The following SLC5A8 variants were observed in gnomAD, a reference collection of about 807,000 sequenced individuals.
SLC5A8 encodes the protein solute carrier family 5 member 8.
SLC5A8 carries 55 observed loss-of-function variants against 71.9 expected under a neutral mutation model. The ratio of observed to expected loss-of-function variants is 0.77; its 90% CI spans 0.62 to 0.96. The LOEUF (loss-of-function observed/expected upper bound fraction) is 0.96, where lower values mean the gene tolerates loss of function less well. Ranked by LOEUF, SLC5A8 falls within the 40% of genes least tolerant of loss-of-function variation. The pLI, the probability that SLC5A8 is intolerant of heterozygous loss-of-function variation, is 0.00. For synonymous variants in SLC5A8, 307 were observed against 276.1 expected (o/e 1.11, Z -1.11); for missense variants, 701 against 745.3 (o/e 0.94, Z 0.69).
At position 101,156,611 on chromosome 12, in the gene SLC5A8, C is replaced by A. The variant is rs1026612999; in HGVS notation, c.*668G>T. ...AGAAAGGCAGTATCAGCAGCCAAAG[C>A]CCAGAAACTCTAGAAAACAAGCCAA... is the stretch of plus-strand genomic sequence containing the variant. On this transcript the variant is annotated 3_prime_UTR_variant, in exon 15 of 15. Coordinates refer to ENST00000536262, the MANE Select transcript of SLC5A8 (RefSeq NM_145913.5). 1 of 152,160 alleles carries A rather than the reference C, an allele frequency of 6.6e-6. No individual in the cohort carries two copies. Among genetic ancestry groups the A allele is most frequent in the African/African-American group, 2.4e-5 (1 of 41,400 alleles). 9.4% of individuals were successfully genotyped at this position (152,160 alleles called of 1,614,324 possible).
At chr12:101,186,883 G>A (rs1052779413) in intron 7 of SLC5A8, among the ~76,000 whole-genome samples, 7 of 152,104 alleles carry the variant, frequency 4.6e-5, no homozygotes, top group African/African-American at 1.7e-4. Flanking sequence ...GGATTGCAGG[G>A]TTGTGAGAAT....
chr12:101,160,235 CA>C (rs1420622878), intron 13 of SLC5A8, among the ~76,000 whole-genome samples: 1 of 152,058 alleles, frequency 6.6e-6, no homozygotes, highest in African/African-American at 2.4e-5. Flanking sequence ...CAAACTGGAC[CA>C]AACAAATTAA....
At chr12:101,157,432 G>A in intron 14 of SLC5A8, 31 bp from the exon 15 acceptor site, 1 of 1,545,174 alleles carries the variant, frequency 6.5e-7, no homozygotes, top group Non-Finnish European at 8.7e-7. Flanking sequence ...GGTGATTAGG[G>A]GGAGAAAAAG....
intron 2 of SLC5A8, among the ~76,000 whole-genome samples, chr12:101,203,612 G>T (rs1238853723): frequency 6.6e-6 from 1 of 152,218 alleles, no homozygotes; most frequent in African/African-American, 2.4e-5. Flanking sequence ...CTCCCAAAGT[G>T]CTGGGATTAC....
At chr12:101,205,816 T>A (rs1309025288) in intron 1 of SLC5A8, among the ~76,000 whole-genome samples, 1 of 152,214 alleles carries the variant, frequency 6.6e-6, no homozygotes, top group Non-Finnish European at 1.5e-5. Flanking sequence ...CCAAAATCTG[T>A]GCACATTTTT....
At chr12:101,176,432 A>G (rs1429532017) in intron 10 of SLC5A8, among the ~76,000 whole-genome samples, 3 of 152,064 alleles carry the variant, frequency 2.0e-5, no homozygotes, top group Admixed American at 1.3e-4. Context: ...ACCATCAACA[A>G]ACAGAATGTA....
chr12:101,205,993 C>T (rs891419221), intron 1 of SLC5A8, among the ~76,000 whole-genome samples: 14 of 152,184 alleles, frequency 9.2e-5, no homozygotes, highest in African/African-American at 1.2e-4. Context: ...CCCAGTCCCA[C>T]GCCTGACTCC....
At chr12:101,169,908 T>C (rs1219773475) in intron 10 of SLC5A8, among the ~76,000 whole-genome samples, 1 of 152,190 alleles carries the variant, frequency 6.6e-6, no homozygotes, top group African/African-American at 2.4e-5. Context: ...TACAGTTTGA[T>C]AATGGAGATG....
chr12:101,172,895 G>T (rs560667521), intron 10 of SLC5A8, among the ~76,000 whole-genome samples: 1 of 152,158 alleles, frequency 6.6e-6, no homozygotes, highest in South Asian at 2.1e-4. Context: ...GTGCAAGGTG[G>T]TCTGTTCCAA....
intron 4 of SLC5A8, among the ~76,000 whole-genome samples, chr12:101,194,080 A>G (rs1394011171): frequency 1.3e-5 from 2 of 152,246 alleles, no homozygotes; most frequent in Non-Finnish European, 2.9e-5. Context: ...TCCACAGAAT[A>G]AAGTGGAGTG....
intron 4 of SLC5A8, 57 bp downstream of exon 4, chr12:101,195,038 T>C: frequency 6.3e-7 from 1 of 1,577,650 alleles, no homozygotes; most frequent in Non-Finnish European, 8.7e-7. Flanking sequence ...CAACTGGAAT[T>C]TTCAATTTTG....
Position 101,156,200 on chromosome 12 carries a change from C to T in SLC5A8, c.*1079G>A, listed in dbSNP as rs1337058386. ...TTAGCCCTTTAACTGGATAAATATA[C>T]CGAAATTTCAAAATTTCTAGGCATA... On this transcript the variant is annotated 3_prime_UTR_variant, in exon 15 of 15. Coordinates refer to ENST00000536262, the MANE Select transcript of SLC5A8 (RefSeq NM_145913.5). 1 of 152,112 alleles carries T rather than the reference C, an allele frequency of 6.6e-6. No homozygotes were observed. Among genetic ancestry groups the T allele is most frequent in the South Asian group, 2.1e-4 (1 of 4,830 alleles). 9.4% of individuals were successfully genotyped at this position (152,112 alleles called of 1,614,324 possible). A position where few individuals can be genotyped will look rare whatever the true frequency, so the allele number is the denominator to read the frequency against.
At chr12:101,197,072 T>TTA (rs1276281602) in intron 3 of SLC5A8, among the ~76,000 whole-genome samples, 3 of 152,184 alleles carry the variant, frequency 2.0e-5, no homozygotes, top group Non-Finnish European at 4.4e-5. Context: ...CAGCAAACCT[T>TTA]TAAATCCATG....
chr12:101,202,615 C>A (rs1032732298), intron 2 of SLC5A8, among the ~76,000 whole-genome samples: 1 of 151,888 alleles, frequency 6.6e-6, no homozygotes, highest in African/African-American at 2.4e-5. Context: ...TTAATCCCTG[C>A]ATAATTAATC....
At chr12:101,163,897 G>T (rs1681098) in intron 12 of SLC5A8, among the ~76,000 whole-genome samples, 30,940 of 152,120 alleles carry the variant, frequency 0.2, 3,730 homozygotes, top group East Asian at 0.53. Flanking sequence ...AATAAATGGT[G>T]TTTAGTTAAC....
intron 5 of SLC5A8, among the ~76,000 whole-genome samples, chr12:101,190,839 T>C (rs1177282800): frequency 6.6e-6 from 1 of 152,120 alleles, no homozygotes; most frequent in African/African-American, 2.4e-5. Context: ...CTGGGGGAAA[T>C]GAATGTTGCA....
intron 9 of SLC5A8, 126 bp from the exon 10 acceptor site, chr12:101,180,222 C>T: frequency 2.1e-6 from 2 of 932,392 alleles, no homozygotes; most frequent in East Asian, 2.5e-5. Flanking sequence ...TGGCCACACA[C>T]ATCAGAGCCA....
intron 2 of SLC5A8, among the ~76,000 whole-genome samples, chr12:101,204,005 A>C (rs1467820435): frequency 6.6e-6 from 1 of 152,232 alleles, no homozygotes; most frequent in Admixed American, 6.5e-5. Context: ...CTTGTAGTCT[A>C]ATTTTTAAAA....
Position 101,168,891 on chromosome 12 carries a change from G to A in SLC5A8, c.1234-709C>T, listed in dbSNP as rs560314465. 2.6e-5 allele frequency among the ~76,000 whole-genome samples: 4 copies of A among 152,306 alleles called. No individual in the cohort carries two copies. In the South Asian group the frequency reaches 6.2e-4, roughly 24 times the overall value. On this transcript the variant is annotated intron_variant, in intron 10 of 14. Transcript: ENST00000536262. ...GACACAACCATAAAAGAAGAGCAGG[G>A]AATCACTGGTTTGTCCAGAGAGTAA...
Sources: gnomAD v4.1 joint callset for allele counts (sites outside exome capture counted in the v4.1 genomes callset) on GRCh38, gnomAD v4.1.1 for gene constraint, MANE v1.5 for transcripts, NCBI Gene and HGNC (gene_info 2026-07-23, HGNC 2026-07-21) for gene names.